The following STRA6 variants were observed in gnomAD, a reference collection of about 807,000 sequenced individuals.
STRA6 encodes receptor for retinol uptake STRA6.
STRA6 carries 48 observed loss-of-function variants against 83.6 expected under a neutral mutation model. The ratio of observed to expected loss-of-function variants is 0.57; its 90% CI spans 0.46 to 0.73. The LOEUF (loss-of-function observed/expected upper bound fraction) is 0.73, where lower values mean the gene tolerates loss of function less well. Among genes scored for constraint, STRA6 ranks in the 30% least tolerant of loss-of-function variants. The pLI, the probability that STRA6 is intolerant of heterozygous loss-of-function variation, is 0.00. For missense variants in STRA6, 760 were observed against 838.8 expected (o/e 0.91, Z 1.16); for synonymous variants, 353 against 362.3 (o/e 0.97, Z 0.29).
In STRA6 at chr15:74,180,808, C is replaced by G. The variant is rs752892493; in HGVS notation, c.1814G>C (p.Ser605Thr). 1.1e-4 allele frequency: 170 copies of G among 1,612,004 alleles called. No homozygotes were observed. Among genetic ancestry groups the G allele is most frequent in the Non-Finnish European group, 1.4e-4 (163 of 1,178,440 alleles). The change falls in exon 18 of 19, where the codon AGC (serine) becomes ACC (threonine). Residue 605 changes from serine (S) to threonine (T), a missense_variant. By Grantham distance (58) the Ser-to-Thr change is moderately conservative. Transcript: ENST00000395105. Reference protein sequence around the residue: ...LPRTMAAPQDSLRPGEEDEGM... With the variant: ...LPRTMAAPQDTLRPGEEDEGM... ...TTCGTCTTCCTCCCCTGGTCTGAGG[C>G]TGTCCTGGGGGGCTGCCATGGTCCT...
At position 74,202,205 on chromosome 15, in the gene STRA6, G is replaced by A; in HGVS notation, c.63C>T (p.Gly21=). 4 of 1,523,614 alleles carry A rather than the reference G, an allele frequency of 2.6e-6. No individual in the cohort carries two copies. Among genetic ancestry groups the A allele is most frequent in the Non-Finnish European group, 3.5e-6 (4 of 1,139,508 alleles). 94.4% of individuals were successfully genotyped at this position (1,523,614 alleles called of 1,614,324 possible). A position where few individuals can be genotyped will look rare whatever the true frequency, so the allele number is the denominator to read the frequency against. Residue 21 remains glycine (G), a synonymous_variant, in exon 2 of 19, where the codon GGC becomes GGT. Transcript: ENST00000395105. ...CCTGGGGCTCATCGATGTACCAGCT[G>A]CCATAGGAGTAGTCCTCTGTGGCCC... The part of the protein sequence containing the change: ...SPGATEDYSY[G]SWYIDEPQGG...
At chr15:74,180,964 C>A in intron 17 of STRA6, 27 bp from the exon 18 acceptor site, 2 of 1,612,392 alleles carry the variant, frequency 1.2e-6, no homozygotes, top group Non-Finnish European at 1.7e-6. Flanking sequence ...GATGGCAATG[C>A]TGGGGGAGCA....
upstream of STRA6, among the ~76,000 whole-genome samples, chr15:74,204,400 A>G (rs148178731): frequency 3.3e-4 from 51 of 152,340 alleles, no homozygotes; most frequent in African/African-American, 1.0e-3. Flanking sequence ...GGCCTGTCCT[A>G]TACAGGCGGC....
intron 2 of STRA6, among the ~76,000 whole-genome samples, chr15:74,200,355 C>G (rs996508216): frequency 1.3e-5 from 2 of 152,176 alleles, no homozygotes; most frequent in Non-Finnish European, 2.9e-5. Context: ...GGCAGGCCTT[C>G]CAGTTTGATT....
At chr15:74,211,104 C>A (rs1324525766), upstream of STRA6, among the ~76,000 whole-genome samples, 1 of 149,266 alleles carries the variant, frequency 6.7e-6, no homozygotes, top group Non-Finnish European at 1.5e-5. Flanking sequence ...AGTGACTGAC[C>A]TAGGGGAAGT....
upstream of STRA6, among the ~76,000 whole-genome samples, chr15:74,210,295 C>T (rs1171843237): frequency 6.6e-6 from 1 of 152,222 alleles, no homozygotes; most frequent in Non-Finnish European, 1.5e-5. Context: ...ACCCCAATAT[C>T]CATCCATCAA....
intron 17 of STRA6, 129 bp from the exon 18 acceptor site, chr15:74,181,066 C>A (rs577456707): frequency 9.8e-6 from 14 of 1,426,860 alleles, no homozygotes; most frequent in Admixed American, 1.9e-5. Flanking sequence ...ACACACCAAG[C>A]ACGTGGCACA....
chr15:74,193,897 G>A lies in STRA6; in HGVS notation c.623C>T (p.Ala208Val). The A allele has an allele frequency of 6.2e-7, 1 of 1,613,800 alleles. No homozygotes were observed. Among genetic ancestry groups the A allele is most frequent in the Non-Finnish European group, 8.5e-7 (1 of 1,179,748 alleles). ...PKIYKYYSLLASLPLLLGLGF... is the reference protein window; with the variant it reads ...PKIYKYYSLLVSLPLLLGLGF... ...GAGGCCCAGCAGGAGAGGCAGGGAG[G>A]CCAGCAGGGAGTAGTACTTGTAGAT... Residue 208 changes from alanine (A) to valine (V), a missense_variant, in exon 8 of 19, where the codon GCC becomes GTC. Transcript: ENST00000395105.
At chr15:74,190,751 G>C in intron 11 of STRA6, 89 bp downstream of exon 11, 1 of 1,597,262 alleles carries the variant, frequency 6.3e-7, no homozygotes, top group Non-Finnish European at 8.6e-7. Flanking sequence ...GGAGCACCTG[G>C]AGAGCTGGGT....
At chr15:74,181,981 T>C (rs979045531) in intron 16 of STRA6, among the ~76,000 whole-genome samples, 180 bp downstream of exon 16, 1 of 152,080 alleles carries the variant, frequency 6.6e-6, no homozygotes, top group Admixed American at 6.5e-5. Context: ...GAGAGGTACT[T>C]TGGAGTGGGC....
At chr15:74,186,563 G>C (rs2073255609) in intron 12 of STRA6, among the ~76,000 whole-genome samples, 1 of 152,126 alleles carries the variant, frequency 6.6e-6, no homozygotes, top group South Asian at 2.1e-4. Context: ...AGCCGAGATT[G>C]TGCCACGGCA....
At chr15:74,202,403 A>G in intron 1 of STRA6, 121 bp from the exon 2 acceptor site, 1 of 1,541,398 alleles carries the variant, frequency 6.5e-7, no homozygotes, top group Non-Finnish European at 8.7e-7. Flanking sequence ...TTAATCCTGA[A>G]GGTTACTTTC....
intron 6 of STRA6, 54 bp from the exon 7 acceptor site, chr15:74,195,522 T>A (rs1567192624): frequency 6.2e-7 from 1 of 1,601,276 alleles, no homozygotes; most frequent in East Asian, 2.3e-5. Flanking sequence ...ACATGGGGCC[T>A]GCAGTGAGCC....
chr15:74,207,817 T>C (rs767499270), intron 1 of STRA6: 31 of 1,535,242 alleles, frequency 2.0e-5, no homozygotes, highest in Non-Finnish European at 2.6e-5. Context: ...CACATCCAAC[T>C]GCCCTTCGCA....
Position 74,182,385 on chromosome 15 carries a change from T to C in STRA6, c.1376A>G (p.His459Arg), listed in dbSNP as rs758812514. ...ACGGAAGAGCAGGAGGTTCCTGCCA[T>C]GGAGCACAGGCATGAGCACCAGGAA... The part of the protein sequence containing the change: ...LAFLVLMPVL[H>R]GRNLLLFRSL... The change falls in exon 15 of 19, where the codon CAT (histidine) becomes CGT (arginine). Residue 459 changes from histidine to arginine, a missense_variant. By Grantham distance (29) the His-to-Arg change is conservative (BLOSUM62 0). Coordinates refer to ENST00000395105, the MANE Select transcript of STRA6 (RefSeq NM_022369.4). 15 of 1,613,814 alleles carry C rather than the reference T, an allele frequency of 9.3e-6. No individual in the cohort carries two copies. Among genetic ancestry groups the C allele is most frequent in the Non-Finnish European group, 1.2e-5 (14 of 1,179,944 alleles).
Position 74,179,938 on chromosome 15 carries a change from C to T in STRA6, c.*142G>A. On this transcript the variant is annotated 3_prime_UTR_variant, in exon 19 of 19. Coordinates refer to ENST00000395105, the MANE Select transcript of STRA6 (RefSeq NM_022369.4). ...TCCTGAGGCTCCCAGTGCAGACAGACCTCCACCCAACCACAGTGATCCGGA... is the reference window on the plus strand; with the variant it reads ...TCCTGAGGCTCCCAGTGCAGACAGATCTCCACCCAACCACAGTGATCCGGA... 1 of 1,169,846 alleles carries T rather than the reference C, an allele frequency of 8.5e-7. No individual in the cohort carries two copies. Among genetic ancestry groups the T allele is most frequent in the African/African-American group, 1.5e-5 (1 of 66,518 alleles). The allele number at this position is 1,169,846 out of a possible 1,614,324, so 72.5% of individuals were successfully genotyped here. A position where few individuals can be genotyped will look rare whatever the true frequency, so the allele number is the denominator to read the frequency against.
rs1368964359 is a variant in STRA6 at position 74,197,778 on chromosome 15, A to T, written c.154T>A (p.Tyr52Asn). 6.2e-7 allele frequency: 1 copy of T among 1,613,630 alleles called. No individual in the cohort carries two copies. Among genetic ancestry groups the T allele is most frequent in the Non-Finnish European group, 8.5e-7 (1 of 1,180,012 alleles). Residue 52 changes from tyrosine to asparagine, a missense_variant, in exon 3 of 19, where the codon TAC (tyrosine) becomes AAC (asparagine). Coordinates refer to ENST00000395105, the MANE Select transcript of STRA6 (RefSeq NM_022369.4). Reference sequence around the variant, plus strand: ...GACAGCGAGGCCAGGCAGGCGTGGTACAGGCCGGGTGGTATGCTGGTGTGG... The same window carrying T: ...GACAGCGAGGCCAGGCAGGCGTGGTTCAGGCCGGGTGGTATGCTGGTGTGG... ...SCHTSIPPGL[Y>N]HACLASLSIL...
chr15:74,202,342 A>AG lies in STRA6; in HGVS notation c.-15-61dup, dbSNP rs1008839500. 4 of 1,566,794 alleles carry AG rather than the reference A, an allele frequency of 2.6e-6. No individual in the cohort carries two copies. In the African/African-American group the frequency reaches 5.5e-5, roughly 21 times the overall value. ...ACAGATGTGAAAAGAGGCTTAAAAG[A>AG]GAAAAAAAAAGAAAGAAAGACGGAA... is the stretch of plus-strand genomic sequence containing the variant. On this transcript the variant is annotated intron_variant, in intron 1 of 18. Coordinates refer to ENST00000395105, the MANE Select transcript of STRA6 (RefSeq NM_022369.4).
chr15:74,184,861 T>A (rs561926733), intron 13 of STRA6, 119 bp downstream of exon 13: 3 of 1,025,944 alleles, frequency 2.9e-6, no homozygotes, highest in Non-Finnish European at 4.4e-6. Flanking sequence ...GTGGGCTCCA[T>A]GACAGCCCGG....
Sources: allele counts gnomAD v4.1 joint callset (sites outside exome capture counted in the v4.1 genomes callset), GRCh38; gene constraint gnomAD v4.1.1; transcripts MANE v1.5; gene names NCBI Gene and HGNC (gene_info 2026-07-23, HGNC 2026-07-21).